The following ATG4B variants were observed in gnomAD, a reference collection of about 807,000 sequenced individuals.
ATG4B encodes the protein cysteine protease ATG4B.
In ATG4B, 29 loss-of-function variants were observed where a neutral mutation model predicts 56.6. That is an observed-to-expected ratio of 0.51 (90% confidence interval 0.38 to 0.70). The LOEUF is 0.70. ATG4B is among the 30% of genes least tolerant of loss of function. ATG4B has a pLI of 0.00. For missense variants in ATG4B, 461 were observed against 515.5 expected, an observed-to-expected ratio of 0.89 and a Z score of 1.02; for synonymous variants, 224 against 206.1, an observed-to-expected ratio of 1.09 and a Z score of -0.74.
At chr2:241,641,954 G>A (rs1303098967) in intron 1 of ATG4B, among the ~76,000 whole-genome samples, 1 of 152,076 alleles carries the variant, frequency 6.6e-6, no homozygotes, top group East Asian at 1.9e-4. Context: ...TAGCCACACT[G>A]CCCATTCCTT....
chr2:241,659,005 G>T, intron 6 of ATG4B, 103 bp from the exon 7 acceptor site: 1 of 805,274 alleles, frequency 1.2e-6, no homozygotes, highest in Non-Finnish European at 1.9e-6. Flanking sequence ...TCTCATCCGA[G>T]AAGCACCTCT....
rs1343941553 is a variant in ATG4B at position 241,673,458 on chromosome 2, G to A, written c.*1194G>A. Reference sequence around the variant, plus strand: ...AGCTACTGCGGCGTTGGCAGGACTCGCTGCTGCTGCTGCTGCTTGTGTAGG... The same window carrying A: ...AGCTACTGCGGCGTTGGCAGGACTCACTGCTGCTGCTGCTGCTTGTGTAGG... On this transcript the variant is annotated 3_prime_UTR_variant, in exon 13 of 13. Coordinates refer to ENST00000404914, the MANE Select transcript of ATG4B (RefSeq NM_013325.5). The A allele has an allele frequency of 6.4e-5, 20 of 310,618 alleles. No individual in the cohort carries two copies. Among genetic ancestry groups the A allele is most frequent in the South Asian group, 1.7e-4 (8 of 47,720 alleles). 19.2% of individuals were successfully genotyped at this position (310,618 alleles called of 1,614,324 possible).
intron 4 of ATG4B, 137 bp downstream of exon 4, chr2:241,653,747 A>T (rs1403603477): frequency 1.4e-6 from 1 of 714,768 alleles, no homozygotes. Flanking sequence ...GTAATGAGCC[A>T]CTTGTTTTTC....
At chr2:241,670,850 G>C (rs2068945792) in intron 11 of ATG4B, 68 bp downstream of exon 11, 6 of 1,494,862 alleles carry the variant, frequency 4.0e-6, no homozygotes, top group Non-Finnish European at 5.5e-6. Flanking sequence ...GGGCGTGCAG[G>C]GGTCGAAGGC....
chr2:241,665,049 GTT>G (rs1275353643), intron 7 of ATG4B, among the ~76,000 whole-genome samples: 1 of 152,222 alleles, frequency 6.6e-6, no homozygotes, highest in Non-Finnish European at 1.5e-5. Flanking sequence ...AAGTGCAGGT[GTT>G]TGAGGCTGCA....
At chr2:241,656,920 C>T (rs909725747) in intron 6 of ATG4B, among the ~76,000 whole-genome samples, 4 of 152,236 alleles carry the variant, frequency 2.6e-5, no homozygotes, top group African/African-American at 4.8e-5. Context: ...CTCAGCCTCC[C>T]GAAGTGCTGG....
chr2:241,647,112 A>G (rs1259863066), intron 1 of ATG4B, among the ~76,000 whole-genome samples: 1 of 152,020 alleles, frequency 6.6e-6, no homozygotes, highest in Non-Finnish European at 1.5e-5. Flanking sequence ...AAGTATTTTC[A>G]ATTTACAATG....
Position 241,654,556 on chromosome 2 carries a change from G to A in ATG4B, c.294G>A (p.Trp98Ter). 6.3e-7 allele frequency: 1 copy of A among 1,594,784 alleles called. No individual in the cohort carries two copies. The change falls in exon 5 of 13, where the codon TGG (tryptophan) becomes TGA (stop). Residue 98 changes from tryptophan to a stop codon, truncating the protein, a stop_gained. Transcript: ENST00000404914. LOFTEE classifies it high-confidence loss of function. ...VCRHLGRDWR[W>*]TQRKRQPDSY... The stretch of plus-strand genomic sequence containing the variant: ...TTTTTTTTCCAATAGATTGGAGGTG[G>A]ACACAAAGGAAGAGGCAGCCAGACA...
Position 241,673,332 on chromosome 2 carries a change from T to C in ATG4B, c.*1068T>C, listed in dbSNP as rs2069043604. ...TGCTGTCCCGGGTCCCAGAGTGCAC[T>C]CTGCCCCGCTGCTCTGCTGCCTGTC... On this transcript the variant is annotated 3_prime_UTR_variant, in exon 13 of 13. Transcript: ENST00000404914. 3 of 354,156 alleles carry C rather than the reference T, an allele frequency of 8.5e-6. No individual in the cohort carries two copies. Among genetic ancestry groups the C allele is most frequent in the Non-Finnish European group, 1.1e-5 (2 of 178,266 alleles). The allele number at this position is 354,156 out of a possible 1,614,324, so 21.9% of individuals were successfully genotyped here.
In ATG4B at chr2:241,668,648, G is replaced by T. The variant is rs376471120; in HGVS notation, c.920G>T (p.Arg307Leu). 7.6e-6 allele frequency: 12 copies of T among 1,582,058 alleles called. No homozygotes were observed. Among genetic ancestry groups the T allele is most frequent in the Non-Finnish European group, 1.0e-5 (12 of 1,165,318 alleles). The change falls in exon 10 of 13, where the codon CGC becomes CTC. Residue 307 changes from arginine (R) to leucine (L), a missense_variant. By Grantham distance (102) the Arg-to-Leu change is moderately radical. Transcript: ENST00000404914. This position sits in a 1 kb window ranked among gnomAD's most constrained non-coding sequence, Gnocchi z 4.2. ...ESFHCQHPPC[R>L]MSIAELDPSI... ...TTCCACTGCCAGCACCCGCCGTGCC[G>T]CATGAGCATCGCGGAGCTTGACCCG... is the stretch of plus-strand genomic sequence containing the variant.
In ATG4B at chr2:241,668,032, CT is replaced by C; in HGVS notation, c.733-109del. 9.7e-7 allele frequency: 1 copy of C among 1,027,684 alleles called. No homozygotes were observed. Among genetic ancestry groups the C allele is most frequent in the Non-Finnish European group, 1.4e-6 (1 of 700,906 alleles). The allele number at this position is 1,027,684 out of a possible 1,614,324, so 63.7% of individuals were successfully genotyped here. On this transcript the variant is annotated intron_variant, in intron 8 of 12. Transcript: ENST00000404914. The surrounding 1 kb of genome is among the most constrained non-coding windows in gnomAD (Gnocchi z 4.2). ...GGTACCATGTCCCCTCCTGTCCCCTCTTGTGTCACCCAGTTGGGCCTCAGCA... is the reference window on the plus strand; with the variant it reads ...GGTACCATGTCCCCTCCTGTCCCCTCTGTGTCACCCAGTTGGGCCTCAGCA...
chr2:241,652,269 T>C (rs2068248574), intron 3 of ATG4B, among the ~76,000 whole-genome samples: 1 of 152,276 alleles, frequency 6.6e-6, no homozygotes, highest in Non-Finnish European at 1.5e-5. Flanking sequence ...TTTCCGCTTG[T>C]TTCGCAGCTG....
At chr2:241,670,471 G>A (rs2068929407) in intron 10 of ATG4B, 5 of 574,786 alleles carry the variant, frequency 8.7e-6, no homozygotes, top group Non-Finnish European at 1.2e-5. Flanking sequence ...TGCACACCAC[G>A]TAACATCTCG....
intron 8 of ATG4B, among the ~76,000 whole-genome samples, chr2:241,667,087 G>C (rs2068802058): frequency 6.6e-6 from 1 of 152,216 alleles, no homozygotes; most frequent in Non-Finnish European, 1.5e-5. Flanking sequence ...GGCGCTTGCA[G>C]GGGGTCCTTG....
chr2:241,659,259 T>A, intron 7 of ATG4B, 72 bp downstream of exon 7: 1 of 1,370,828 alleles, frequency 7.3e-7, no homozygotes, highest in South Asian at 1.2e-5. Flanking sequence ...CTCGCCTGAG[T>A]CCCCACGGGA....
intron 10 of ATG4B, among the ~76,000 whole-genome samples, chr2:241,669,905 T>C (rs1195317359): frequency 6.8e-6 from 1 of 146,532 alleles, no homozygotes; most frequent in Non-Finnish European, 1.5e-5. Flanking sequence ...CTTACAGTGA[T>C]TGGCACTCTA....
At chr2:241,648,754 C>A (rs1029648243) in intron 1 of ATG4B, among the ~76,000 whole-genome samples, 1 of 152,176 alleles carries the variant, frequency 6.6e-6, no homozygotes, top group African/African-American at 2.4e-5. Context: ...GCCTGGGTCT[C>A]CCACAGCTGA....
chr2:241,658,433 G>A (rs2068482585), intron 6 of ATG4B, among the ~76,000 whole-genome samples: 2 of 152,150 alleles, frequency 1.3e-5, no homozygotes, highest in South Asian at 4.1e-4. Flanking sequence ...CCCTCCACAG[G>A]TCTTGCATTC....
intron 4 of ATG4B, 78 bp from the exon 5 acceptor site, chr2:241,654,468 T>G: frequency 3.2e-5 from 25 of 772,866 alleles, no homozygotes; most frequent in Non-Finnish European, 4.5e-5. Context: ...TTGGATGCCA[T>G]CTGTATCTTT....
Sources: allele counts gnomAD v4.1 joint callset (sites outside exome capture counted in the v4.1 genomes callset), GRCh38; gene constraint gnomAD v4.1.1; non-coding constraint Gnocchi (gnomAD v3.1); transcripts MANE v1.5; gene names NCBI Gene and HGNC (gene_info 2026-07-23, HGNC 2026-07-21).